The following CSMD1 variants were observed in gnomAD, a reference collection of about 807,000 sequenced individuals.
CSMD1 encodes CUB and Sushi multiple domains 1, also known as CUB and sushi domain-containing protein 1.
A neutral mutation model predicts 417.5 loss-of-function variants in CSMD1; 213 were observed. The ratio of observed to expected loss-of-function variants is 0.51; its 90% CI spans 0.46 to 0.57. The LOEUF is 0.57. Among genes scored for constraint, CSMD1 ranks in the 20% least tolerant of loss-of-function variants. CSMD1 has a pLI of 0.00. For synonymous variants in CSMD1, 2,862 were observed against 1,736.8 expected (o/e 1.65, Z -16.11); for missense variants, 6,923 against 4,529.7 (o/e 1.53, Z -15.17).
intron 3 of CSMD1, among the ~76,000 whole-genome samples, chr8:4,157,422 T>C (rs577869072): frequency 1.3e-5 from 2 of 152,262 alleles, no homozygotes; most frequent in East Asian, 3.9e-4. Context: ...TTTCGTCCTT[T>C]TTCTTTCTCT....
intron 12 of CSMD1, among the ~76,000 whole-genome samples, chr8:3,462,369 C>T (rs111802919): frequency 0.057 from 8,665 of 152,198 alleles, 360 homozygotes; most frequent in East Asian, 0.15. Flanking sequence ...CCATGGCCTG[C>T]TAGGAACTGG....
At chr8:3,378,464 A>C (rs1020001937) in intron 18 of CSMD1, among the ~76,000 whole-genome samples, 1 of 152,188 alleles carries the variant, frequency 6.6e-6, no homozygotes, top group Non-Finnish European at 1.5e-5. Flanking sequence ...ATTTCAGGCC[A>C]ATATCCCTGA....
At chr8:4,275,132 G>A (rs544273150) in intron 3 of CSMD1, among the ~76,000 whole-genome samples, 1 of 152,130 alleles carries the variant, frequency 6.6e-6, no homozygotes, top group Non-Finnish European at 1.5e-5. Flanking sequence ...ACCAATGATA[G>A]TCAATAAAAG....
intron 12 of CSMD1, among the ~76,000 whole-genome samples, chr8:3,420,554 A>G (rs1813425115): frequency 1.3e-5 from 2 of 151,216 alleles, no homozygotes; most frequent in Non-Finnish European, 2.9e-5. Context: ...GGTGGACAGA[A>G]ATGCTCTGTA....
intron 28 of CSMD1, among the ~76,000 whole-genome samples, chr8:3,219,662 T>C (rs1798088713): frequency 6.6e-6 from 1 of 152,140 alleles, no homozygotes. Context: ...CTAATTACCA[T>C]CATGTTCAAT....
chr8:4,683,489 C>A (rs769436927), intron 1 of CSMD1, among the ~76,000 whole-genome samples: 13 of 152,102 alleles, frequency 8.5e-5, no homozygotes, highest in Non-Finnish European at 1.9e-4. Flanking sequence ...GTAGAGTGGA[C>A]AACAGGGGAG....
intron 12 of CSMD1, among the ~76,000 whole-genome samples, chr8:3,464,627 T>A (rs954369600): frequency 1.3e-5 from 2 of 150,054 alleles, no homozygotes; most frequent in Non-Finnish European, 3.0e-5. Flanking sequence ...CAATTATATA[T>A]AGGTAGAATC....
At chr8:3,498,438 G>C (rs1362639670) in intron 10 of CSMD1, among the ~76,000 whole-genome samples, 1 of 152,116 alleles carries the variant, frequency 6.6e-6, no homozygotes, top group Non-Finnish European at 1.5e-5. Context: ...AGGAAGAATT[G>C]TCTTTGACTT....
chr8:3,841,238 T>C (rs961221283), intron 5 of CSMD1, among the ~76,000 whole-genome samples: 85 of 152,298 alleles, frequency 5.6e-4, no homozygotes, highest in African/African-American at 1.9e-3. Flanking sequence ...AAGGTTTATA[T>C]TGAAAAGTTT....
At chr8:4,663,694 C>A (rs1452473547) in intron 1 of CSMD1, among the ~76,000 whole-genome samples, 1 of 152,226 alleles carries the variant, frequency 6.6e-6, no homozygotes, top group Non-Finnish European at 1.5e-5. Context: ...GTCCAGCCTA[C>A]AGAACCGCAG....
chr8:4,851,095 C>G (rs1334768009), intron 1 of CSMD1, among the ~76,000 whole-genome samples: 1 of 118,596 alleles, frequency 8.4e-6, no homozygotes. Flanking sequence ...GTTATCCCTC[C>G]CCCCTCCCCA....
chr8:4,087,202 C>G (rs1488012405), intron 3 of CSMD1, among the ~76,000 whole-genome samples: 10 of 152,108 alleles, frequency 6.6e-5, no homozygotes, highest in Admixed American at 6.6e-4. Flanking sequence ...AACTTAGCAG[C>G]CACCCTAGCT....
intron 42 of CSMD1, chr8:3,113,197 T>G (rs1585382699): frequency 6.6e-6 from 1 of 152,268 alleles, no homozygotes; most frequent in East Asian, 1.9e-4. Context: ...AGCAGGTACC[T>G]CCCAGCTCCT....
chr8:4,231,821 G>C (rs987300539), intron 3 of CSMD1, among the ~76,000 whole-genome samples: 3 of 152,122 alleles, frequency 2.0e-5, no homozygotes, highest in African/African-American at 7.2e-5. Flanking sequence ...TGCCAGTATA[G>C]GAAAAGCACC....
intron 23 of CSMD1, among the ~76,000 whole-genome samples, chr8:3,320,599 G>A (rs1010497548): frequency 2.6e-5 from 4 of 152,182 alleles, no homozygotes; most frequent in Non-Finnish European, 4.4e-5. Context: ...GAGCAGTGGA[G>A]CCAGGTGGTC....
intron 7 of CSMD1, among the ~76,000 whole-genome samples, chr8:3,661,385 C>CTT: frequency 6.6e-6 from 1 of 152,242 alleles, no homozygotes; most frequent in Admixed American, 6.5e-5. Flanking sequence ...TGTTACTTCC[C>CTT]TTTTTTTGTG....
chr8:2,982,993 C>T (rs1563204756), intron 54 of CSMD1, among the ~76,000 whole-genome samples: 1 of 152,176 alleles, frequency 6.6e-6, no homozygotes, highest in East Asian at 1.9e-4. Flanking sequence ...TTCGGGCAGA[C>T]GACTCCTAAC....
At chr8:4,849,747 G>A (rs1343551803) in intron 1 of CSMD1, among the ~76,000 whole-genome samples, 3 of 152,152 alleles carry the variant, frequency 2.0e-5, no homozygotes, top group Non-Finnish European at 1.5e-5. Flanking sequence ...AGGTCTCTAG[G>A]AAGCTAAACC....
chr8:4,380,699 C>G (rs976792135), intron 3 of CSMD1, among the ~76,000 whole-genome samples: 1 of 152,122 alleles, frequency 6.6e-6, no homozygotes, highest in African/African-American at 2.4e-5. Context: ...ACATTAATAA[C>G]AGAGGATTGT....
Sources: allele counts gnomAD v4.1 joint callset (sites outside exome capture counted in the v4.1 genomes callset), GRCh38; gene constraint gnomAD v4.1.1; transcripts MANE v1.5; gene names NCBI Gene and HGNC (gene_info 2026-07-23, HGNC 2026-07-21).